Variants in ZNF787 observed in about 807,000 individuals in gnomAD.
The protein encoded by ZNF787 is zinc finger protein 787, also known as TTF-I-interacting peptide 20.
ZNF787 carries 7 observed loss-of-function variants against 16.9 expected under a neutral mutation model. That is an observed-to-expected ratio of 0.42 (90% CI 0.24 to 0.78). The LOEUF is 0.78. Among genes scored for constraint, ZNF787 ranks in the 30% least tolerant of loss-of-function variants. The pLI, the probability that ZNF787 is intolerant of heterozygous loss-of-function variation, is 0.30. For missense variants in ZNF787, 551 were observed against 589.3 expected, an observed-to-expected ratio of 0.94 and a Z score of 0.67; for synonymous variants, 345 against 270.9, an observed-to-expected ratio of 1.27 and a Z score of -2.69.
At chr19:56,117,711 C>T (rs1260070352) in intron 1 of ZNF787, among the ~76,000 whole-genome samples, 1 of 152,244 alleles carries the variant, frequency 6.6e-6, no homozygotes, top group East Asian at 1.9e-4. Context: ...TTATTCACCT[C>T]TGCGACACCT....
At chr19:56,119,093 T>C (rs1289394910) in intron 1 of ZNF787, among the ~76,000 whole-genome samples, 2 of 152,166 alleles carry the variant, frequency 1.3e-5, no homozygotes, top group African/African-American at 4.8e-5. Context: ...GGACAGGGAC[T>C]GTATGATTCC....
At chr19:56,107,895 G>A (rs974699962) in intron 1 of ZNF787, among the ~76,000 whole-genome samples, 4 of 152,144 alleles carry the variant, frequency 2.6e-5, no homozygotes, top group East Asian at 1.9e-4. Flanking sequence ...CTTGAAGGCC[G>A]GGCATGCTGG....
At chr19:56,095,335 G>A (rs1403933505) in intron 2 of ZNF787, among the ~76,000 whole-genome samples, 1 of 152,150 alleles carries the variant, frequency 6.6e-6, no homozygotes, top group African/African-American at 2.4e-5. Context: ...AAATGATCTT[G>A]ATCTTGTTGG....
At chr19:56,099,295 C>T (rs920370830) in intron 2 of ZNF787, among the ~76,000 whole-genome samples, 28 of 152,318 alleles carry the variant, frequency 1.8e-4, no homozygotes, top group Non-Finnish European at 3.1e-4. Flanking sequence ...GCACCCTGAG[C>T]GACCTGGTGC....
At chr19:56,116,931 TG>T (rs2030153999) in intron 1 of ZNF787, among the ~76,000 whole-genome samples, 1 of 152,128 alleles carries the variant, frequency 6.6e-6, no homozygotes, top group Admixed American at 6.5e-5. Flanking sequence ...AGGTCCTGGG[TG>T]CAGGGTGCCC....
At chr19:56,108,855 C>T (rs2029899447) in intron 1 of ZNF787, among the ~76,000 whole-genome samples, 1 of 152,188 alleles carries the variant, frequency 6.6e-6, no homozygotes, top group Admixed American at 6.5e-5. Context: ...GGCTAAACTG[C>T]CATGAACATG....
chr19:56,120,266 G>T (rs1262970662), intron 1 of ZNF787, among the ~76,000 whole-genome samples: 1 of 152,204 alleles, frequency 6.6e-6, no homozygotes, highest in African/African-American at 2.4e-5. Flanking sequence ...TCACTTTTCT[G>T]TGCGACTCTG....
chr19:56,106,926 G>A (rs1330193049), intron 1 of ZNF787, among the ~76,000 whole-genome samples: 7 of 152,238 alleles, frequency 4.6e-5, no homozygotes, highest in Non-Finnish European at 4.4e-5. Context: ...GTGACAAGAA[G>A]CTCACCACTA....
chr19:56,106,997 G>A (rs1196223666), intron 1 of ZNF787, among the ~76,000 whole-genome samples: 2 of 152,212 alleles, frequency 1.3e-5, no homozygotes, highest in East Asian at 3.9e-4. Flanking sequence ...CTCACGAAGG[G>A]CCTGAGAGTC....
chr19:56,101,435 C>T (rs527993504), intron 2 of ZNF787, among the ~76,000 whole-genome samples: 4 of 152,370 alleles, frequency 2.6e-5, no homozygotes, highest in African/African-American at 7.2e-5. Context: ...CTGGGCAGGG[C>T]AGCGGGCTGG....
chr19:56,102,645 C>T (rs1442393936), intron 2 of ZNF787: 1 of 478,554 alleles, frequency 2.1e-6, no homozygotes, highest in Non-Finnish European at 3.7e-6. Flanking sequence ...GAAAAGTCTG[C>T]GTCAGCCTGC....
chr19:56,111,404 C>T (rs547470705), intron 1 of ZNF787, among the ~76,000 whole-genome samples: 27 of 152,248 alleles, frequency 1.8e-4, no homozygotes, highest in Admixed American at 1.6e-3. Context: ...TCCAAGGGCA[C>T]AAGGGCTTGG....
In ZNF787 at chr19:56,088,506, C is replaced by A; in HGVS notation, c.666G>T (p.Gly222=). 7.1e-7 allele frequency: 1 copy of A among 1,409,086 alleles called. No homozygotes were observed. The highest frequency in any genetic ancestry group is 9.2e-7 in the Non-Finnish European group (1 of 1,088,402). 87.3% of individuals were successfully genotyped at this position (1,409,086 alleles called of 1,614,324 possible). A position where few individuals can be genotyped will look rare whatever the true frequency, so the allele number is the denominator to read the frequency against. The change falls in exon 3 of 3, where the codon GGG becomes GGT. Residue 222 remains glycine, a synonymous_variant. Coordinates refer to ENST00000610935, the MANE Select transcript of ZNF787 (RefSeq NM_001002836.4). The surrounding 1 kb of genome is among the most constrained non-coding windows in gnomAD (Gnocchi z 8.6). ...VLAASVRRAK[G]PEEAVAADGE... ...CGTCCGCCGCCACCGCCTCTTCGGG[C>A]CCCTTGGCCCGCCGGACGCTAGCCG...
chr19:56,118,953 CCTCT>C (rs1315485358), intron 1 of ZNF787, among the ~76,000 whole-genome samples: 4 of 152,132 alleles, frequency 2.6e-5, no homozygotes, highest in African/African-American at 7.2e-5. Flanking sequence ...GCCAATCCTT[CCTCT>C]CTATCTTTCA....
rs115453591 is a variant in ZNF787 at position 56,115,856 on chromosome 19, C to T, written c.-11+5316G>A. Among the ~76,000 whole-genome samples, 1,445 of 152,300 alleles carry T rather than the reference C, an allele frequency of 9.5e-3. 21 individuals are homozygous for T. Among genetic ancestry groups the T allele is most frequent in the African/African-American group, 0.032 (1,350 of 41,554 alleles). ...CCCGCAGGACTTGGTGCCTGCAGAT[C>T]TTCAGATCCTTATGCGAAGGCTTCC... On this transcript the variant is annotated intron_variant, in intron 1 of 2. Transcript: ENST00000610935.
Position 56,090,145 on chromosome 19 carries a change from C to T in ZNF787, c.80-1053G>A, listed in dbSNP as rs150485342. Among the ~76,000 whole-genome samples, 150 of 152,334 alleles carry T rather than the reference C, an allele frequency of 9.8e-4. 1 individual carries two copies. The highest frequency in any genetic ancestry group is 3.4e-3 in the African/African-American group (143 of 41,572). On this transcript the variant is annotated intron_variant, in intron 2 of 2. Transcript: ENST00000610935. ...TAAGTCTCTATCCCAACACCTGGCA[C>T]GGTGGTGCCCAGCACACAGAGCCCA...
chr19:56,091,116 G>T (rs1212877604), intron 2 of ZNF787, among the ~76,000 whole-genome samples: 2 of 152,216 alleles, frequency 1.3e-5, no homozygotes, highest in East Asian at 1.9e-4. Context: ...ATTACTTAAA[G>T]ATGTAGAGAG....
chr19:56,102,203 T>A (rs1376507077), intron 2 of ZNF787: 1 of 152,278 alleles, frequency 6.6e-6, no homozygotes, highest in African/African-American at 2.4e-5. Flanking sequence ...CCTTTCTGCA[T>A]CAAGTGTGCC....
chr19:56,105,882 C>CTCCGG (rs1568531068), intron 1 of ZNF787, among the ~76,000 whole-genome samples: 1 of 151,842 alleles, frequency 6.6e-6, no homozygotes, highest in East Asian at 1.9e-4. Context: ...CCGCGCATTC[C>CTCCGG]CCCGGCCGCG....
Sources: gnomAD v4.1 joint callset for allele counts (sites outside exome capture counted in the v4.1 genomes callset) on GRCh38, gnomAD v4.1.1 for gene constraint, Gnocchi (gnomAD v3.1) non-coding constraint, MANE v1.5 for transcripts, NCBI Gene and HGNC (gene_info 2026-07-23, HGNC 2026-07-21) for gene names.